The following NETO1 variants were observed in gnomAD, a reference collection of about 807,000 sequenced individuals.
NETO1 encodes the protein neuropilin and tolloid-like protein 1.
Under a neutral mutation model 61.3 loss-of-function variants are expected in NETO1, and 26 were observed. That is an observed-to-expected ratio of 0.42 (90% CI 0.31 to 0.59). The LOEUF is 0.59. NETO1 is among the 20% of genes least tolerant of loss of function. The pLI is 0.12. For missense variants in NETO1, 531 were observed against 662.8 expected, an observed-to-expected ratio of 0.80 and a Z score of 2.18; for synonymous variants, 225 against 225.8, an observed-to-expected ratio of 1.00 and a Z score of 0.03.
intron 7 of NETO1, among the ~76,000 whole-genome samples, chr18:72,781,172 ATT>A (rs1308108704): frequency 6.6e-6 from 1 of 152,096 alleles, no homozygotes; most frequent in Non-Finnish European, 1.5e-5. Context: ...AAAATTACAG[ATT>A]TTTGTTATTT....
chr18:72,860,747 T>C (rs1277119195), intron 3 of NETO1, among the ~76,000 whole-genome samples: 1 of 77,304 alleles, frequency 1.3e-5, no homozygotes, highest in African/African-American at 4.4e-5. Context: ...TTTTCTTTTC[T>C]TTTTTTTGGA....
At chr18:72,809,399 C>A (rs1360087538) in intron 4 of NETO1, among the ~76,000 whole-genome samples, 3 of 152,248 alleles carry the variant, frequency 2.0e-5, no homozygotes, top group South Asian at 4.1e-4. Flanking sequence ...CACTTATTGA[C>A]AGAATTCTAC....
chr18:72,804,157 G>T (rs2072598741), intron 4 of NETO1, among the ~76,000 whole-genome samples: 1 of 151,862 alleles, frequency 6.6e-6, no homozygotes, highest in Admixed American at 6.6e-5. Context: ...AGTTTAAATG[G>T]CTAATATAAT....
chr18:72,772,455 T>A (rs2071382792), intron 7 of NETO1, among the ~76,000 whole-genome samples: 1 of 151,998 alleles, frequency 6.6e-6, no homozygotes, highest in African/African-American at 2.4e-5. Flanking sequence ...ACCCTGGGGG[T>A]ACAGTTTCTC....
At chr18:72,853,996 C>T (rs1039486023) in intron 4 of NETO1, among the ~76,000 whole-genome samples, 7 of 151,824 alleles carry the variant, frequency 4.6e-5, no homozygotes, top group Non-Finnish European at 8.8e-5. Context: ...AATATTGCAC[C>T]GAATATTTGA....
chr18:72,753,740 T>C (rs2070699767), intron 8 of NETO1, among the ~76,000 whole-genome samples: 1 of 152,216 alleles, frequency 6.6e-6, no homozygotes, highest in Non-Finnish European at 1.5e-5. Context: ...GTTCTATGTA[T>C]ATAATCGTAA....
At chr18:72,834,074 A>G in intron 4 of NETO1, 1 of 927,726 alleles carries the variant, frequency 1.1e-6, no homozygotes, top group Non-Finnish European at 1.3e-6. Context: ...AGAAAGGCTT[A>G]GTTGTGTTAC....
At chr18:72,813,248 G>A (rs1444240731) in intron 4 of NETO1, among the ~76,000 whole-genome samples, 4 of 152,112 alleles carry the variant, frequency 2.6e-5, no homozygotes, top group South Asian at 2.1e-4. Context: ...CGTAAGACCC[G>A]GATTATCCAA....
chr18:72,747,492 A>G lies in NETO1; in HGVS notation c.*687T>C, dbSNP rs1320781474. 6.6e-6 allele frequency: 1 copy of G among 152,136 alleles called. No individual in the cohort carries two copies. The highest frequency in any genetic ancestry group is 2.4e-5 in the African/African-American group (1 of 41,466). 9.4% of individuals were successfully genotyped at this position (152,136 alleles called of 1,614,324 possible). The stretch of plus-strand genomic sequence containing the variant: ...GAATGGTAAAATACCTGACTTCAAA[A>G]AGGATTTCTGAAACTCAGTACTTTC... On this transcript the variant is annotated 3_prime_UTR_variant, in exon 11 of 11. Coordinates refer to ENST00000327305, the MANE Select transcript of NETO1 (RefSeq NM_138966.5).
intron 7 of NETO1, among the ~76,000 whole-genome samples, chr18:72,770,005 G>A (rs2071302527): frequency 6.6e-6 from 1 of 151,862 alleles, no homozygotes; most frequent in Non-Finnish European, 1.5e-5. Flanking sequence ...TGTCCTTCAG[G>A]AAATATTTTG....
Position 72,849,135 on chromosome 18 carries a change from T to G in NETO1, c.469+9691A>C, listed in dbSNP as rs2074176364. On this transcript the variant is annotated intron_variant, in intron 4 of 10. Coordinates refer to ENST00000327305, the MANE Select transcript of NETO1 (RefSeq NM_138966.5). ...AAAAGTTGTCCAGCTCAGTTTATTCTCTAAGGCATGCTTTTCCAATCTCAT... is the reference window on the plus strand; with the variant it reads ...AAAAGTTGTCCAGCTCAGTTTATTCGCTAAGGCATGCTTTTCCAATCTCAT... Among the ~76,000 whole-genome samples, 4 of 152,230 alleles carry G rather than the reference T, an allele frequency of 2.6e-5. No individual in the cohort carries two copies. The South Asian group carries it at 8.3e-4, about 32-fold the overall frequency.
intron 4 of NETO1, among the ~76,000 whole-genome samples, chr18:72,815,071 C>T (rs1404899604): frequency 6.6e-6 from 1 of 152,060 alleles, no homozygotes; most frequent in African/African-American, 2.4e-5. Context: ...GGCAAAAATG[C>T]TCAACTATTT....
intron 4 of NETO1, among the ~76,000 whole-genome samples, chr18:72,829,207 G>A (rs1164384346): frequency 1.3e-5 from 2 of 152,164 alleles, no homozygotes; most frequent in East Asian, 1.9e-4. Flanking sequence ...TTAAATGGTA[G>A]TGCAAGGCAT....
intron 7 of NETO1, among the ~76,000 whole-genome samples, chr18:72,772,813 CTCTCTCTCTCTCTATATATATATATATA>C (rs2071408278): frequency 9.3e-5 from 5 of 53,586 alleles, no homozygotes; most frequent in African/African-American, 3.4e-4. Context: ...CTCTCTCTCT[CTCTCTCTCTCTCTATATATATATATATA>C]TATATATATA....
At chr18:72,853,280 A>G (rs2074311103) in intron 4 of NETO1, 1 of 152,222 alleles carries the variant, frequency 6.6e-6, no homozygotes, top group Non-Finnish European at 1.5e-5. Flanking sequence ...TGAAATGAGA[A>G]TATTTTGAGT....
intron 7 of NETO1, among the ~76,000 whole-genome samples, chr18:72,758,575 G>C (rs916113539): frequency 1.3e-5 from 2 of 152,112 alleles, no homozygotes; most frequent in African/African-American, 2.4e-5. Context: ...GGTGGCTCAC[G>C]CCTGTAATCC....
intron 4 of NETO1, among the ~76,000 whole-genome samples, chr18:72,797,527 G>A (rs2072358725): frequency 6.6e-6 from 1 of 152,086 alleles, no homozygotes; most frequent in South Asian, 2.1e-4. Context: ...GTTGTTTGTG[G>A]ATGAGGACAT....
intron 7 of NETO1, among the ~76,000 whole-genome samples, chr18:72,774,678 A>T (rs2071485660): frequency 6.6e-6 from 1 of 152,110 alleles, no homozygotes; most frequent in Non-Finnish European, 1.5e-5. Flanking sequence ...CTATGAAACT[A>T]AATTAATTAC....
intron 4 of NETO1, among the ~76,000 whole-genome samples, chr18:72,807,151 T>A (rs976650063): frequency 6.6e-6 from 1 of 152,204 alleles, no homozygotes; most frequent in Non-Finnish European, 1.5e-5. Flanking sequence ...CATATCACCA[T>A]GTTTTAAACT....
Sources: gnomAD v4.1 joint callset for allele counts (sites outside exome capture counted in the v4.1 genomes callset) on GRCh38, gnomAD v4.1.1 for gene constraint, MANE v1.5 for transcripts, NCBI Gene and HGNC (gene_info 2026-07-23, HGNC 2026-07-21) for gene names.